Variants in GRID2 observed in about 807,000 individuals in gnomAD.
GRID2 encodes glutamate receptor ionotropic, delta-2.
In GRID2, 33 loss-of-function variants were observed where a neutral mutation model predicts 114.8. The observed-to-expected ratio is 0.29, with a 90% CI of 0.22 to 0.38. The LOEUF (loss-of-function observed/expected upper bound fraction) is 0.38, where lower values mean the gene tolerates loss of function less well. GRID2 is among the 10% of genes least tolerant of loss of function. GRID2 has a pLI of 1.00. For synonymous variants in GRID2, 505 were observed against 449.9 expected (o/e 1.12, Z -1.55); for missense variants, 1,184 against 1,257.7 (o/e 0.94, Z 0.89).
At chr4:93,017,883 T>C (rs1015803788) in intron 2 of GRID2, among the ~76,000 whole-genome samples, 2 of 111,718 alleles carry the variant, frequency 1.8e-5, no homozygotes, top group Admixed American at 9.8e-5. Flanking sequence ...GACAGTAAGC[T>C]TTTTTTTTTT....
rs1168979444 is a variant in GRID2, at chr4:92,592,083, A to G, written c.244+1797A>G. On this transcript the variant is annotated intron_variant, in intron 2 of 15. Transcript: ENST00000282020. Reference sequence around the variant, plus strand: ...AAATAATAGAAGGATCTGGAAAATCATAACATAGAATTTGAAGATACCAAA... The same window carrying G: ...AAATAATAGAAGGATCTGGAAAATCGTAACATAGAATTTGAAGATACCAAA... 5.3e-5 allele frequency among the ~76,000 whole-genome samples: 8 copies of G among 152,030 alleles called. No individual in the cohort carries two copies. The East Asian group carries it at 7.7e-4, about 15-fold the overall frequency.
intron 11 of GRID2, among the ~76,000 whole-genome samples, chr4:93,467,357 C>T (rs577455526): frequency 3.1e-4 from 47 of 152,242 alleles, no homozygotes; most frequent in African/African-American, 1.1e-3. Flanking sequence ...GACCAAGTTC[C>T]TAAATCAGCA....
chr4:93,079,051 T>A (rs979490107), intron 2 of GRID2, among the ~76,000 whole-genome samples: 1 of 151,174 alleles, frequency 6.6e-6, no homozygotes, highest in East Asian at 1.9e-4. Context: ...CAATTTAGTT[T>A]TGAAAAGGGG....
intron 14 of GRID2, among the ~76,000 whole-genome samples, chr4:93,708,146 A>G (rs1728169315): frequency 6.6e-6 from 1 of 152,044 alleles, no homozygotes; most frequent in Non-Finnish European, 1.5e-5. Context: ...TGAAGAGAAG[A>G]ATGTATATTC....
At chr4:93,720,870 G>C (rs955958412) in intron 14 of GRID2, among the ~76,000 whole-genome samples, 1 of 152,148 alleles carries the variant, frequency 6.6e-6, no homozygotes, top group African/African-American at 2.4e-5. Flanking sequence ...TTGTGTTACA[G>C]AGCATAGCAA....
At chr4:92,637,427 G>A (rs997576988) in intron 2 of GRID2, among the ~76,000 whole-genome samples, 4 of 151,900 alleles carry the variant, frequency 2.6e-5, no homozygotes, top group African/African-American at 9.7e-5. Flanking sequence ...CACAATGCTT[G>A]GTCTTCTTCT....
chr4:92,373,695 T>C (rs899277532), intron 1 of GRID2, among the ~76,000 whole-genome samples: 1 of 152,192 alleles, frequency 6.6e-6, no homozygotes, highest in Non-Finnish European at 1.5e-5. Flanking sequence ...ACATCCTAAT[T>C]ATTAGTACTA....
intron 15 of GRID2, among the ~76,000 whole-genome samples, chr4:93,770,318 A>AGAAACT (rs1170603232): frequency 1.3e-5 from 2 of 152,254 alleles, no homozygotes; most frequent in Non-Finnish European, 2.9e-5. Context: ...ATAGCTTCAA[A>AGAAACT]GAAACTTTTA....
intron 2 of GRID2, among the ~76,000 whole-genome samples, chr4:92,609,145 A>C (rs1204906577): frequency 2.6e-5 from 4 of 151,766 alleles, no homozygotes; most frequent in Non-Finnish European, 5.9e-5. Flanking sequence ...CACAGCTTGA[A>C]ATACTTGTTT....
chr4:92,871,832 T>C (rs576400443), intron 2 of GRID2, among the ~76,000 whole-genome samples: 1 of 152,330 alleles, frequency 6.6e-6, no homozygotes, highest in Admixed American at 6.5e-5. Flanking sequence ...ATGTTTTCTA[T>C]GGATAAAATG....
chr4:93,765,854 T>A (rs1239937026), intron 14 of GRID2, among the ~76,000 whole-genome samples: 1 of 152,008 alleles, frequency 6.6e-6, no homozygotes, highest in Non-Finnish European at 1.5e-5. Flanking sequence ...CTCAAGCCTC[T>A]CCGGTGGAAT....
At chr4:93,792,525 G>T (rs536191784) in intron 1 of GRID2, among the ~76,000 whole-genome samples, 21 of 152,216 alleles carry the variant, frequency 1.4e-4, no homozygotes, top group Non-Finnish European at 2.8e-4. Flanking sequence ...GGCCAATTTT[G>T]CATTGGCCTA....
At chr4:93,697,869 G>GTGCATATATATATATATATATATATATA (rs1553986412) in intron 14 of GRID2, among the ~76,000 whole-genome samples, 1 of 122,658 alleles carries the variant, frequency 8.2e-6, no homozygotes, top group Admixed American at 8.5e-5. Flanking sequence ...CACAATGTGT[G>GTGCATATATATATATATATATATATATA]TATATATATA....
At chr4:93,736,276 C>G (rs1007603606) in intron 14 of GRID2, among the ~76,000 whole-genome samples, 2 of 151,994 alleles carry the variant, frequency 1.3e-5, no homozygotes. Flanking sequence ...TTAAGACCCA[C>G]TATAGCACTT....
At chr4:93,011,498 G>T (rs1016374350) in intron 2 of GRID2, among the ~76,000 whole-genome samples, 4 of 152,034 alleles carry the variant, frequency 2.6e-5, no homozygotes, top group African/African-American at 4.8e-5. Context: ...CTGGAAACCA[G>T]CCCCCATGCT....
intron 2 of GRID2, among the ~76,000 whole-genome samples, chr4:92,666,193 C>T (rs1263230652): frequency 3.3e-5 from 5 of 151,470 alleles, no homozygotes; most frequent in South Asian, 4.2e-4. Context: ...AACTACCTTT[C>T]AAACAGTATA....
At chr4:93,763,326 T>G (rs1733370119) in intron 14 of GRID2, among the ~76,000 whole-genome samples, 1 of 152,188 alleles carries the variant, frequency 6.6e-6, no homozygotes, top group Non-Finnish European at 1.5e-5. Context: ...AGATTAAATT[T>G]TAAATCATAT....
At chr4:93,657,941 T>G (rs146113998) in intron 14 of GRID2, among the ~76,000 whole-genome samples, 3 of 152,348 alleles carry the variant, frequency 2.0e-5, no homozygotes, top group Admixed American at 6.5e-5. Flanking sequence ...GAACTTCATT[T>G]GTACTGAGTC....
chr4:93,345,945 A>G (rs927591457), intron 8 of GRID2, among the ~76,000 whole-genome samples: 1 of 152,128 alleles, frequency 6.6e-6, no homozygotes, highest in Non-Finnish European at 1.5e-5. Flanking sequence ...TAAAAAAATC[A>G]GTGACTGTAT....
Sources: gnomAD v4.1 joint callset for allele counts (sites outside exome capture counted in the v4.1 genomes callset) on GRCh38, gnomAD v4.1.1 for gene constraint, MANE v1.5 for transcripts, NCBI Gene and HGNC (gene_info 2026-07-23, HGNC 2026-07-21) for gene names.